Variants in ITGA9 observed in about 807,000 individuals in gnomAD.
ITGA9 encodes the protein integrin alpha-9.
In ITGA9, 56 loss-of-function variants were observed where a neutral mutation model predicts 127.8. That is an observed-to-expected ratio of 0.44 (90% CI 0.35 to 0.55). The LOEUF is 0.55. ITGA9 is among the 20% of genes least tolerant of loss of function. The probability of loss-of-function intolerance (pLI) is 0.00; values close to 1 mark genes in which losing one functional copy is unlikely to be tolerated. For missense variants in ITGA9, 1,196 were observed against 1,347.1 expected (o/e 0.89, Z 1.76); for synonymous variants, 508 against 514.5 (o/e 0.99, Z 0.17).
chr3:37,639,618 C>G (rs1391172493), intron 16 of ITGA9, among the ~76,000 whole-genome samples: 1 of 152,028 alleles, frequency 6.6e-6, no homozygotes, highest in East Asian at 1.9e-4. Context: ...TGTGATTCTA[C>G]GGTGGACAGA....
intron 13 of ITGA9, among the ~76,000 whole-genome samples, chr3:37,529,450 A>G (rs1699126967): frequency 6.6e-6 from 1 of 152,044 alleles, no homozygotes; most frequent in Non-Finnish European, 1.5e-5. Context: ...GATGGGGCAA[A>G]AGCCAGATGG....
At chr3:37,454,698 C>T (rs1698237716) in intron 1 of ITGA9, among the ~76,000 whole-genome samples, 1 of 152,216 alleles carries the variant, frequency 6.6e-6, no homozygotes, top group African/African-American at 2.4e-5. Flanking sequence ...TCCTCCCTCA[C>T]CCACCATATT....
At chr3:37,804,039 C>T in intron 27 of ITGA9, 97 bp downstream of exon 27, 1 of 1,566,458 alleles carries the variant, frequency 6.4e-7, no homozygotes, top group East Asian at 2.2e-5. Flanking sequence ...GTTAGAGCTT[C>T]CTTCATGGCA....
At chr3:37,533,247 A>G (rs1699174220) in intron 13 of ITGA9, 67 bp from the exon 14 acceptor site, 1 of 1,392,628 alleles carries the variant, frequency 7.2e-7, no homozygotes, top group African/African-American at 1.4e-5. Flanking sequence ...CTGTTGGTCT[A>G]GTTCTTGTTT....
At chr3:37,542,370 C>G (rs1699281752) in intron 14 of ITGA9, 55 bp from the exon 15 acceptor site, 1 of 1,590,500 alleles carries the variant, frequency 6.3e-7, no homozygotes, top group East Asian at 2.2e-5. Flanking sequence ...AAAGAGGTGG[C>G]CTCATCACAG....
intron 15 of ITGA9, among the ~76,000 whole-genome samples, chr3:37,585,070 G>A (rs1362810046): frequency 6.6e-6 from 1 of 152,234 alleles, no homozygotes; most frequent in African/African-American, 2.4e-5. Flanking sequence ...CAGGTGGTTA[G>A]TTCTAATAAC....
At chr3:37,454,106 C>T (rs1423191149) in intron 1 of ITGA9, among the ~76,000 whole-genome samples, 2 of 152,218 alleles carry the variant, frequency 1.3e-5, no homozygotes, top group Non-Finnish European at 2.9e-5. Flanking sequence ...GGGAGGGCTG[C>T]TGTGGACAGC....
chr3:37,793,195 G>T (rs559339784), intron 26 of ITGA9, among the ~76,000 whole-genome samples: 1 of 151,780 alleles, frequency 6.6e-6, no homozygotes, highest in African/African-American at 2.4e-5. Flanking sequence ...GAGGTTCCTG[G>T]AACTCCCTCT....
intron 26 of ITGA9, among the ~76,000 whole-genome samples, chr3:37,788,914 C>CTGTT (rs1252010373): frequency 6.6e-6 from 1 of 152,060 alleles, no homozygotes; most frequent in Non-Finnish European, 1.5e-5. Flanking sequence ...CGGGACTTAC[C>CTGTT]TGTTTGTTTG....
chr3:37,678,379 G>T (rs1302538117), intron 17 of ITGA9, among the ~76,000 whole-genome samples: 1 of 152,008 alleles, frequency 6.6e-6, no homozygotes, highest in African/African-American at 2.4e-5. Flanking sequence ...GTCATGAAGT[G>T]GGAAAAAATA....
intron 16 of ITGA9, among the ~76,000 whole-genome samples, chr3:37,630,023 G>A (rs1330116684): frequency 6.6e-6 from 1 of 152,188 alleles, no homozygotes; most frequent in African/African-American, 2.4e-5. Context: ...TGAAACCCAA[G>A]ATCACCACAG....
chr3:37,536,531 T>C (rs556094513), intron 14 of ITGA9, among the ~76,000 whole-genome samples: 7 of 152,362 alleles, frequency 4.6e-5, no homozygotes, highest in African/African-American at 1.7e-4. Context: ...CATAAGCAGC[T>C]GATGTTAGTC....
At chr3:37,560,635 A>T (rs1335130964) in intron 15 of ITGA9, among the ~76,000 whole-genome samples, 1 of 152,098 alleles carries the variant, frequency 6.6e-6, no homozygotes, top group Non-Finnish European at 1.5e-5. Flanking sequence ...CTTTTTAATG[A>T]TCACCATTCT....
chr3:37,517,349 G>C (rs971547127), intron 9 of ITGA9, among the ~76,000 whole-genome samples, 155 bp from the exon 10 acceptor site: 4 of 152,228 alleles, frequency 2.6e-5, no homozygotes, highest in African/African-American at 9.6e-5. Flanking sequence ...GCAGGAGAGA[G>C]AAGTTTGGGT....
chr3:37,728,728 C>A (rs1478909576), intron 18 of ITGA9, among the ~76,000 whole-genome samples: 4 of 151,754 alleles, frequency 2.6e-5, no homozygotes, highest in Non-Finnish European at 2.9e-5. Context: ...GGAGCAAATG[C>A]CTAGGACTTT....
chr3:37,717,512 TCAGGAAACTTACAA>T (rs1343067507), intron 18 of ITGA9, among the ~76,000 whole-genome samples: 1 of 152,144 alleles, frequency 6.6e-6, no homozygotes, highest in Non-Finnish European at 1.5e-5. Context: ...CTAGGAGGCC[TCAGGAAACTTACAA>T]TCACGGCAGA....
In ITGA9 at chr3:37,542,526, G is replaced by A. The variant is rs1699284542; in HGVS notation, c.1630G>A (p.Glu544Lys). Residue 544 changes from glutamate to lysine, a missense_variant, in exon 15 of 28, where the codon GAG (glutamate) becomes AAG (lysine). Glu to Lys is a moderately conservative substitution (Grantham distance 56). Coordinates refer to ENST00000264741, the MANE Select transcript of ITGA9 (RefSeq NM_002207.3). The stretch of plus-strand genomic sequence containing the variant: ...GGGAGAGACCATGGGTCAGGTCACA[G>A]AGAAGCTGCAGCTGACTTACATGGA... ...LLGETMGQVT[E>K]KLQLTYMEET... The A allele has an allele frequency of 1.2e-6, 2 of 1,614,188 alleles. No individual in the cohort carries two copies. Among genetic ancestry groups the A allele is most frequent in the Non-Finnish European group, 1.7e-6 (2 of 1,180,038 alleles).
intron 22 of ITGA9, among the ~76,000 whole-genome samples, chr3:37,744,547 C>A (rs1330662852): frequency 6.6e-6 from 1 of 152,222 alleles, no homozygotes; most frequent in Non-Finnish European, 1.5e-5. Context: ...CACGCTGCTC[C>A]CTCACTGAGC....
At chr3:37,522,045 G>C (rs756828894) in intron 11 of ITGA9, among the ~76,000 whole-genome samples, 14 of 152,036 alleles carry the variant, frequency 9.2e-5, no homozygotes, top group Non-Finnish European at 1.6e-4. Flanking sequence ...TCCATCTGTA[G>C]ATCCTGTGAA....
Sources: gnomAD v4.1 joint callset for allele counts (sites outside exome capture counted in the v4.1 genomes callset) on GRCh38, gnomAD v4.1.1 for gene constraint, MANE v1.5 for transcripts, NCBI Gene and HGNC (gene_info 2026-07-23, HGNC 2026-07-21) for gene names.